Variants in MAP4K3 observed in about 807,000 individuals in gnomAD.
MAP4K3 encodes the protein MAPK/ERK kinase kinase kinase 3.
In MAP4K3, 94 loss-of-function variants were observed where a neutral mutation model predicts 143.5. That is an observed-to-expected ratio of 0.65 (90% CI 0.55 to 0.78). MAP4K3 has a LOEUF of 0.78. Among genes scored for constraint, MAP4K3 ranks in the 30% least tolerant of loss-of-function variants. The probability of loss-of-function intolerance (pLI) is 0.00; values close to 1 mark genes in which losing one functional copy is unlikely to be tolerated. For synonymous variants in MAP4K3, 416 were observed against 347.2 expected, an observed-to-expected ratio of 1.20 and a Z score of -2.20; for missense variants, 1,077 against 1,068.1, an observed-to-expected ratio of 1.01 and a Z score of -0.12.
chr2:39,313,952 C>T (rs1683030187), intron 13 of MAP4K3, among the ~76,000 whole-genome samples: 1 of 152,046 alleles, frequency 6.6e-6, no homozygotes, highest in Admixed American at 6.6e-5. Flanking sequence ...AATGAGATAA[C>T]AAGAAAGAGA....
At chr2:39,311,382 A>G (rs975671172) in intron 13 of MAP4K3, among the ~76,000 whole-genome samples, 5 of 152,046 alleles carry the variant, frequency 3.3e-5, no homozygotes, top group Admixed American at 2.6e-4. Flanking sequence ...CCTGGCTGAG[A>G]CCATCTTAAT....
chr2:39,280,914 T>G (rs1188151741), intron 22 of MAP4K3, among the ~76,000 whole-genome samples: 3 of 152,210 alleles, frequency 2.0e-5, no homozygotes, highest in African/African-American at 7.2e-5. Flanking sequence ...AAAGATTCAT[T>G]AAAAAGCTTA....
Position 39,251,833 on chromosome 2 carries a change from T to G in MAP4K3, c.2594A>C (p.Asp865Ala). The change falls in exon 33 of 34, where the codon GAC (aspartate) becomes GCC (alanine). Residue 865 changes from aspartate (D) to alanine (A), a missense_variant. Asp to Ala is a moderately radical substitution (Grantham distance 126). Around this residue, in one of 2 missense-constraint regions of MAP4K3, gnomAD observed 864 missense variants for 801.2 expected, o/e 1.08. Coordinates refer to ENST00000263881, the MANE Select transcript of MAP4K3 (RefSeq NM_003618.4). Reference protein sequence around the residue: ...STRIFRLLGSDRVVVLESRPT... With the variant: ...STRIFRLLGSARVVVLESRPT... ...TTAATACAGTCCGTTTTCATACCTG[T>G]CAGATCCAAGCAGCCTGAAAATTCT... is the stretch of plus-strand genomic sequence containing the variant. 1 of 1,613,512 alleles carries G rather than the reference T, an allele frequency of 6.2e-7. No homozygotes were observed.
chr2:39,260,770 T>A lies in MAP4K3; in HGVS notation c.2144A>T (p.Asp715Val). 1 of 1,608,684 alleles carries A rather than the reference T, an allele frequency of 6.2e-7. No homozygotes were observed. Residue 715 changes from aspartate to valine, a missense_variant, in exon 29 of 34, where the codon GAT becomes GTT. This residue lies in a region of MAP4K3 where 864 missense variants were observed against 801.2 expected (regional missense o/e 1.08). Coordinates refer to ENST00000263881, the MANE Select transcript of MAP4K3 (RefSeq NM_003618.4). Reference protein sequence around the residue: ...MQKFMLIKHIDFPIPCPLRMF... With the variant: ...MQKFMLIKHIVFPIPCPLRMF... The stretch of plus-strand genomic sequence containing the variant: ...TCTAAGTGGACATGGTATAGGAAAA[T>A]CTATGTGCTAGAGAAAGAAACAAAA...
chr2:39,410,219 C>A (rs1477662761), intron 1 of MAP4K3, among the ~76,000 whole-genome samples: 1 of 152,174 alleles, frequency 6.6e-6, no homozygotes, highest in African/African-American at 2.4e-5. Context: ...AGTTCAGCAA[C>A]AGGCCACTGC....
At chr2:39,411,025 G>A (rs1667218463) in intron 1 of MAP4K3, among the ~76,000 whole-genome samples, 1 of 152,050 alleles carries the variant, frequency 6.6e-6, no homozygotes, top group Non-Finnish European at 1.5e-5. Context: ...TTAAGCTGGA[G>A]ATAAATGAAC....
At chr2:39,323,505 A>G (rs569811604) in intron 12 of MAP4K3, 1 of 152,220 alleles carries the variant, frequency 6.6e-6, no homozygotes, top group African/African-American at 2.4e-5. Flanking sequence ...TAATTTAGTT[A>G]AATAACACTA....
intron 1 of MAP4K3, among the ~76,000 whole-genome samples, chr2:39,404,507 G>A (rs1453962379): frequency 2.6e-5 from 4 of 151,978 alleles, no homozygotes; most frequent in Non-Finnish European, 2.9e-5. Flanking sequence ...GTGGAAAGGG[G>A]AGGAAGGACT....
intron 4 of MAP4K3, among the ~76,000 whole-genome samples, chr2:39,340,738 G>C (rs1228793338): frequency 6.6e-6 from 1 of 151,948 alleles, no homozygotes; most frequent in East Asian, 1.9e-4. Context: ...GTAAGAATAA[G>C]ACACAAAGGA....
intron 2 of MAP4K3, among the ~76,000 whole-genome samples, chr2:39,359,381 C>T (rs1665702229): frequency 6.6e-6 from 1 of 152,244 alleles, no homozygotes. Flanking sequence ...GCAGCTCCAA[C>T]CCTGTAGCTT....
intron 12 of MAP4K3, among the ~76,000 whole-genome samples, chr2:39,322,541 T>C (rs1474147649): frequency 6.6e-6 from 1 of 151,918 alleles, no homozygotes; most frequent in African/African-American, 2.4e-5. Context: ...TCAAACTTTC[T>C]TCCACAGTGC....
At chr2:39,307,846 T>TA (rs1165843376) in intron 15 of MAP4K3, 97 bp downstream of exon 15, 1 of 941,860 alleles carries the variant, frequency 1.1e-6, no homozygotes, top group Non-Finnish European at 1.5e-6. Context: ...TAGCAACTTA[T>TA]AAAACAATGC....
At chr2:39,265,745 G>C (rs186759763) in intron 27 of MAP4K3, among the ~76,000 whole-genome samples, 273 of 152,244 alleles carry the variant, frequency 1.8e-3, no homozygotes, top group African/African-American at 6.2e-3. Context: ...TTTTGTTTCT[G>C]AAAATAAAAC....
At chr2:39,434,944 A>AT (rs1041486073) in intron 1 of MAP4K3, among the ~76,000 whole-genome samples, 1 of 151,388 alleles carries the variant, frequency 6.6e-6, no homozygotes, top group African/African-American at 2.4e-5. Flanking sequence ...ACAGGCCCTA[A>AT]TTTTTTTTTG....
chr2:39,330,848 C>CT (rs1316707707), intron 8 of MAP4K3, among the ~76,000 whole-genome samples: 2 of 151,954 alleles, frequency 1.3e-5, no homozygotes, highest in Admixed American at 6.6e-5. Flanking sequence ...TCAGGAAAAG[C>CT]TTTTTTCAGG....
At chr2:39,417,431 G>C (rs560337461) in intron 1 of MAP4K3, among the ~76,000 whole-genome samples, 1 of 152,120 alleles carries the variant, frequency 6.6e-6, no homozygotes, top group East Asian at 1.9e-4. Flanking sequence ...GTGTTAGCCA[G>C]GATGGTCTTG....
intron 15 of MAP4K3, among the ~76,000 whole-genome samples, chr2:39,307,710 A>G (rs905901249): frequency 5.3e-5 from 8 of 152,014 alleles, no homozygotes; most frequent in Non-Finnish European, 1.0e-4. Context: ...ATTAAATATT[A>G]ACATTTTTCA....
chr2:39,353,582 T>C (rs983950194), intron 3 of MAP4K3, among the ~76,000 whole-genome samples: 4 of 152,210 alleles, frequency 2.6e-5, no homozygotes, highest in African/African-American at 7.2e-5. Context: ...AGCAAAATCA[T>C]AAAATAAAAA....
intron 2 of MAP4K3, among the ~76,000 whole-genome samples, chr2:39,375,520 C>A (rs1666194776): frequency 6.6e-6 from 1 of 152,102 alleles, no homozygotes; most frequent in Non-Finnish European, 1.5e-5. Context: ...TAAGTGGGAA[C>A]CTATAGATAT....
Sources: allele counts gnomAD v4.1 joint callset (sites outside exome capture counted in the v4.1 genomes callset), GRCh38; gene constraint gnomAD v4.1.1; regional missense constraint gnomAD v4.1.1; transcripts MANE v1.5; gene names NCBI Gene and HGNC (gene_info 2026-07-23, HGNC 2026-07-21).